The following AK3 variants were observed in gnomAD, a reference collection of about 807,000 sequenced individuals.
AK3 encodes the protein adenylate kinase 3, also known as GTP:AMP phosphotransferase AK3, mitochondrial.
In AK3, 27 loss-of-function variants were observed where a neutral mutation model predicts 23.7. The ratio of observed to expected loss-of-function variants is 1.14; its 90% CI spans 0.84 to 1.57. The LOEUF is 1.57. Among genes scored for constraint, AK3 ranks in the 40% most tolerant of loss-of-function variants. The pLI, the probability that AK3 is intolerant of heterozygous loss-of-function variation, is 0.00. For synonymous variants in AK3, 159 were observed against 116.0 expected (o/e 1.37, Z -2.38); for missense variants, 406 against 285.6 (o/e 1.42, Z -3.04).
In AK3 at chr9:4,719,290, G is replaced by A. The variant is rs1373425060; in HGVS notation, c.289C>T (p.Pro97Ser). Residue 97 changes from proline to serine, a missense_variant, in exon 3 of 5, where the codon CCA becomes TCA. Transcript: ENST00000381809. ...GCTCTATCTAGGGCTTCTGCCTGTG[G>A]AAGTGTCCTTGGAAAACCTTTATAA... ...WLLDGFPRTL[P>S]QAEALDRAYQ... The A allele has an allele frequency of 4.3e-6, 6 of 1,381,412 alleles. No individual in the cohort carries two copies. Among genetic ancestry groups the A allele is most frequent in the Non-Finnish European group, 5.8e-6 (6 of 1,034,920 alleles). 85.6% of individuals were successfully genotyped at this position (1,381,412 alleles called of 1,614,324 possible). A position where few individuals can be genotyped will look rare whatever the true frequency, so the allele number is the denominator to read the frequency against.
In AK3 at chr9:4,736,787, C is replaced by T. The variant is rs568856635; in HGVS notation, c.151+4150G>A. The stretch of plus-strand genomic sequence containing the variant: ...CGAACTCCTGAGTTCAAACAATCCT[C>T]TCGCCTCAGCCTCTCAGAGAGCTGA... On this transcript the variant is annotated intron_variant, in intron 1 of 4. Transcript: ENST00000381809. 2.8e-3 allele frequency among the ~76,000 whole-genome samples: 424 copies of T among 151,890 alleles called. 3 individuals are homozygous for T. Among genetic ancestry groups the T allele is most frequent in the African/African-American group, 9.7e-3 (401 of 41,202 alleles).
intron 1 of AK3, among the ~76,000 whole-genome samples, chr9:4,731,325 T>A (rs1004159398): frequency 6.6e-6 from 1 of 152,128 alleles, no homozygotes; most frequent in African/African-American, 2.4e-5. Context: ...TGCGTCCATG[T>A]GTTCTCATCA....
chr9:4,739,267 A>C (rs1382426503), intron 1 of AK3, among the ~76,000 whole-genome samples: 1 of 151,330 alleles, frequency 6.6e-6, no homozygotes, highest in Non-Finnish European at 1.5e-5. Context: ...CTCGACTCAC[A>C]GCAACCTCCG....
chr9:4,740,549 C>G (rs1842404222), intron 1 of AK3, among the ~76,000 whole-genome samples: 1 of 152,316 alleles, frequency 6.6e-6, no homozygotes, highest in Middle Eastern at 3.4e-3. Context: ...CGAGCAGACT[C>G]TAGCAGGGCT....
At chr9:4,735,035 G>C (rs1237241297) in intron 1 of AK3, among the ~76,000 whole-genome samples, 1 of 151,378 alleles carries the variant, frequency 6.6e-6, no homozygotes, top group Non-Finnish European at 1.5e-5. Context: ...ACGGCTAATA[G>C]GTATGAAGTT....
intron 1 of AK3, among the ~76,000 whole-genome samples, chr9:4,735,268 T>TATATACATATATAAATATATATATACAC (rs1842245873): frequency 2.5e-5 from 1 of 39,780 alleles, no homozygotes; most frequent in African/African-American, 9.8e-5. Context: ...TATAAATATA[T>TATATACATATATAAATATATATATACAC]ATATAAATAT....
intron 4 of AK3, among the ~76,000 whole-genome samples, chr9:4,713,815 G>C (rs563732928): frequency 7.3e-5 from 10 of 136,134 alleles, no homozygotes; most frequent in African/African-American, 2.4e-4. Flanking sequence ...CAGAATCCTG[G>C]GGGTGCTTTT....
chr9:4,738,789 A>G (rs1291702362), intron 1 of AK3, among the ~76,000 whole-genome samples: 2 of 123,844 alleles, frequency 1.6e-5, no homozygotes, highest in Non-Finnish European at 3.3e-5. Context: ...TTTTTTTGAG[A>G]CAGGGTATCA....
chr9:4,741,248 C>G, upstream of AK3: 1 of 760,394 alleles, frequency 1.3e-6, no homozygotes, highest in Non-Finnish European at 1.9e-6. Flanking sequence ...CCCCTGGGGC[C>G]GCCCAGACAG....
Position 4,735,479 on chromosome 9 carries a change from T to TATATATATATATATATATA in AK3, c.151+5457_151+5458insTATATATATATATATATAT, listed in dbSNP as rs758311463. On this transcript the variant is annotated intron_variant, in intron 1 of 4. Transcript: ENST00000381809. ...CATAGTATATGTGTATATATATATA[T>TATATATATATATATATATA]TTTTTTTTTTTTTTTGGAAACAGAG... 4.3e-5 allele frequency among the ~76,000 whole-genome samples: 3 copies of TATATATATATATATATATA among 69,128 alleles called. 1 individual carries two copies. Among genetic ancestry groups the TATATATATATATATATATA allele is most frequent in the African/African-American group, 1.8e-4 (3 of 16,226 alleles). 45.4% of individuals were successfully genotyped at this position (69,128 alleles called of 152,430 possible). A position where few individuals can be genotyped will look rare whatever the true frequency, so the allele number is the denominator to read the frequency against.
At chr9:4,740,427 T>C (rs1332346774) in intron 1 of AK3, among the ~76,000 whole-genome samples, 1 of 152,020 alleles carries the variant, frequency 6.6e-6, no homozygotes, top group Admixed American at 6.6e-5. Context: ...CAAGGGTAAA[T>C]AATACTTGGC....
Position 4,712,901 on chromosome 9 carries a change from T to C in AK3, c.*75A>G. ...AAGAATTCATACATACTAGAAGTCT[T>C]AGGAAAAGCAGCTTCTAAATGCAAG... On this transcript the variant is annotated 3_prime_UTR_variant, in exon 5 of 5. Coordinates refer to ENST00000381809, the MANE Select transcript of AK3 (RefSeq NM_016282.4). The C allele has an allele frequency of 6.6e-7, 1 of 1,512,672 alleles. No homozygotes were observed. The highest frequency in any genetic ancestry group is 9.0e-7 in the Non-Finnish European group (1 of 1,115,788). 93.7% of individuals were successfully genotyped at this position (1,512,672 alleles called of 1,614,324 possible).
chr9:4,714,370 C>A (rs1266140733), intron 4 of AK3, among the ~76,000 whole-genome samples: 2 of 152,172 alleles, frequency 1.3e-5, no homozygotes, highest in Non-Finnish European at 2.9e-5. Flanking sequence ...AGCATTCTTC[C>A]CTTGATACCT....
At chr9:4,716,950 A>T (rs9299003) in intron 4 of AK3, among the ~76,000 whole-genome samples, 18,119 of 152,142 alleles carry the variant, frequency 0.12, 1,439 homozygotes, top group African/African-American at 0.23. Context: ...TAAATAAATA[A>T]CAGTTTGGAA....
chr9:4,722,705 G>A (rs980748717), intron 1 of AK3, 80 bp from the exon 2 acceptor site: 1 of 1,578,602 alleles, frequency 6.3e-7, no homozygotes, highest in African/African-American at 1.4e-5. Context: ...GTTGCCTAAA[G>A]GGGAAGTCTG....
At position 4,741,012 on chromosome 9, in the gene AK3, G is replaced by T. The variant is rs757194911; in HGVS notation, c.76C>A (p.Arg26Ser). ...TTCAGCTCGAAGTGTGTAGTGATGC[G>T]CGACGACACGGTGCCCTTGCCCGAG... ...PGSGKGTVSSRITTHFELKHL... is the reference protein window; with the variant it reads ...PGSGKGTVSSSITTHFELKHL... Residue 26 changes from arginine to serine, a missense_variant, in exon 1 of 5, where the codon CGC becomes AGC. By Grantham distance (110) the Arg-to-Ser change is moderately radical. Coordinates refer to ENST00000381809, the MANE Select transcript of AK3 (RefSeq NM_016282.4). The T allele has an allele frequency of 1.9e-6, 3 of 1,593,234 alleles. No homozygotes were observed. The highest frequency in any genetic ancestry group is 1.7e-6 in the Non-Finnish European group (2 of 1,171,858).
chr9:4,737,089 T>A (rs1350808164), intron 1 of AK3, among the ~76,000 whole-genome samples: 1 of 144,344 alleles, frequency 6.9e-6, no homozygotes, highest in Non-Finnish European at 1.5e-5. Context: ...ACTATATAGT[T>A]TTTTTTACTA....
chr9:4,731,059 C>G (rs561915212), intron 1 of AK3, among the ~76,000 whole-genome samples: 1 of 152,288 alleles, frequency 6.6e-6, no homozygotes, highest in African/African-American at 2.4e-5. Flanking sequence ...GTTTTACCTA[C>G]TGATATTGTC....
At chr9:4,727,310 T>C (rs4500134) in intron 1 of AK3, among the ~76,000 whole-genome samples, 75,469 of 152,086 alleles carry the variant, frequency 0.5, 20,099 homozygotes, top group East Asian at 0.74. Flanking sequence ...ATGGCATCTT[T>C]TTCCAATAGA....
Sources: gnomAD v4.1 joint callset for allele counts (sites outside exome capture counted in the v4.1 genomes callset) on GRCh38, gnomAD v4.1.1 for gene constraint, MANE v1.5 for transcripts, NCBI Gene and HGNC (gene_info 2026-07-23, HGNC 2026-07-21) for gene names.